The following CCDC30 variants were observed in gnomAD, a reference collection of about 807,000 sequenced individuals.
CCDC30 encodes coiled-coil domain-containing protein 30.
In CCDC30, 70 loss-of-function variants were observed where a neutral mutation model predicts 100.2. The ratio of observed to expected loss-of-function variants is 0.70; its 90% CI spans 0.58 to 0.85. The LOEUF (loss-of-function observed/expected upper bound fraction) is 0.85. CCDC30 is among the 40% of genes least tolerant of loss of function. CCDC30 has a pLI of 0.00. For synonymous variants in CCDC30, 233 were observed against 269.5 expected, an observed-to-expected ratio of 0.86 and a Z score of 1.33; for missense variants, 652 against 771.2, an observed-to-expected ratio of 0.85 and a Z score of 1.83.
intron 3 of CCDC30, among the ~76,000 whole-genome samples, chr1:42,487,133 A>AG (rs1013235994): frequency 2.0e-5 from 3 of 147,684 alleles, no homozygotes; most frequent in Non-Finnish European, 4.5e-5. Flanking sequence ...AAAAAAAAAA[A>AG]GGAAAGTAGA....
At chr1:42,653,589 T>C in intron 16 of CCDC30, 146 bp downstream of exon 20, 1 of 650,494 alleles carries the variant, frequency 1.5e-6, no homozygotes, top group East Asian at 2.7e-5. Context: ...ATGAATTATT[T>C]GAATCTTCTT....
chr1:42,496,485 T>C (rs1201530092), intron 4 of CCDC30, among the ~76,000 whole-genome samples: 1 of 151,946 alleles, frequency 6.6e-6, no homozygotes, highest in Non-Finnish European at 1.5e-5. Context: ...TATAAATGTC[T>C]GAAAATATTT....
chr1:42,515,725 A>C (rs946000450), intron 6 of CCDC30, among the ~76,000 whole-genome samples: 3 of 152,222 alleles, frequency 2.0e-5, no homozygotes, highest in Admixed American at 2.0e-4. Context: ...CCCTGCATCC[A>C]GCCTCTGGAA....
chr1:42,477,827 G>A (rs1212326377), intron 1 of CCDC30, among the ~76,000 whole-genome samples: 1 of 152,212 alleles, frequency 6.6e-6, no homozygotes, highest in African/African-American at 2.4e-5. Context: ...GATGGGTAGG[G>A]TGACCAGAAA....
chr1:42,497,087 C>T lies in CCDC30; in HGVS notation c.242-11C>T, dbSNP rs1396405878. ...ATCCAGTTGAGTAAACTGTGTTCTT[C>T]TCTGTTTTAGATGCAGCTGACCTAC... On this transcript the variant is annotated splice_polypyrimidine_tract_variant and intron_variant, in intron 4 of 16. Transcript: ENST00000668663. The T allele has an allele frequency of 3.3e-6, 4 of 1,217,982 alleles. No individual in the cohort carries two copies. The highest frequency in any genetic ancestry group is 4.1e-6 in the Non-Finnish European group (4 of 973,292). The allele number at this position is 1,217,982 out of a possible 1,614,324, so 75.4% of individuals were successfully genotyped here.
At chr1:42,470,021 T>A (rs1643716357) in intron 1 of CCDC30, among the ~76,000 whole-genome samples, 1 of 152,172 alleles carries the variant, frequency 6.6e-6, no homozygotes, top group Non-Finnish European at 1.5e-5. Context: ...CTCAGCAACC[T>A]AAAATAGGTG....
chr1:42,533,409 T>C (rs922183110), intron 6 of CCDC30, among the ~76,000 whole-genome samples: 8 of 152,154 alleles, frequency 5.3e-5, no homozygotes, highest in Admixed American at 3.9e-4. Flanking sequence ...AGAGAAACCT[T>C]GTCATATTTT....
chr1:42,608,577 C>T (rs1344561100), intron 10 of CCDC30, among the ~76,000 whole-genome samples: 1 of 151,904 alleles, frequency 6.6e-6, no homozygotes, highest in African/African-American at 2.4e-5. Flanking sequence ...GCGGTGGGCG[C>T]CTGGGTAGTC....
chr1:42,462,299 T>C (rs1262629103), upstream of CCDC30, among the ~76,000 whole-genome samples: 2 of 152,116 alleles, frequency 1.3e-5, no homozygotes, highest in African/African-American at 4.8e-5. Flanking sequence ...TGAGGGTAAC[T>C]AAGAACCTGA....
chr1:42,572,431 T>C (rs796135033), intron 7 of CCDC30, among the ~76,000 whole-genome samples: 3 of 152,320 alleles, frequency 2.0e-5, no homozygotes, highest in African/African-American at 7.2e-5. Context: ...CAGGTATGTA[T>C]TATAAACATC....
chr1:42,488,845 A>G (rs1223545291), intron 3 of CCDC30, among the ~76,000 whole-genome samples: 2 of 152,232 alleles, frequency 1.3e-5, no homozygotes, highest in African/African-American at 2.4e-5. Context: ...CCTGGTTCAC[A>G]TAATAAATTC....
chr1:42,456,662 C>G, the CCDC30 span: 2 of 1,600,922 alleles, frequency 1.2e-6, no homozygotes, highest in Non-Finnish European at 1.7e-6. Flanking sequence ...GCTGGGCGCG[C>G]AGGGCCGGCG....
intron 9 of CCDC30, 51 bp downstream of exon 13, chr1:42,581,565 T>C: frequency 6.6e-7 from 1 of 1,514,416 alleles, no homozygotes; most frequent in Non-Finnish European, 9.0e-7. Context: ...ATGACTGAGT[T>C]AATCAGCAAT....
intron 6 of CCDC30, among the ~76,000 whole-genome samples, chr1:42,503,960 G>C (rs1007580209): frequency 6.6e-6 from 1 of 152,132 alleles, no homozygotes; most frequent in Admixed American, 6.5e-5. Context: ...GAAAGCAGGG[G>C]TCTCACAGCC....
upstream of CCDC30, chr1:42,459,395 A>G: frequency 3.5e-6 from 2 of 576,516 alleles, no homozygotes; most frequent in Non-Finnish European, 6.1e-6. Flanking sequence ...AACTGGGCTC[A>G]AGCGATCCAC....
chr1:42,480,093 A>G (rs1643934155), intron 1 of CCDC30, among the ~76,000 whole-genome samples: 1 of 152,032 alleles, frequency 6.6e-6, no homozygotes, highest in African/African-American at 2.4e-5. Context: ...GAAATTTTAG[A>G]CCTTGCAATA....
intron 11 of CCDC30, among the ~76,000 whole-genome samples, chr1:42,614,274 G>T (rs1646682339): frequency 6.6e-6 from 1 of 151,438 alleles, no homozygotes; most frequent in African/African-American, 2.4e-5. Context: ...TACAGACAGG[G>T]TTTCACCGTG....
chr1:42,460,871 C>G (rs751305853), upstream of CCDC30, among the ~76,000 whole-genome samples: 1 of 152,242 alleles, frequency 6.6e-6, no homozygotes, highest in Admixed American at 6.5e-5. Context: ...GATTCACACT[C>G]ACTAAATGGT....
chr1:42,642,437 CCTG>C, intron 12 of CCDC30, 33 bp from the exon 17 acceptor site: 2 of 1,438,350 alleles, frequency 1.4e-6, no homozygotes, highest in Non-Finnish European at 1.8e-6. Flanking sequence ...CATACTTTCT[CCTG>C]CTGTGGTAAT....
Sources: allele counts gnomAD v4.1 joint callset (sites outside exome capture counted in the v4.1 genomes callset), GRCh38; gene constraint gnomAD v4.1.1; transcripts MANE v1.5; gene names NCBI Gene and HGNC (gene_info 2026-07-23, HGNC 2026-07-21).